The following PIGN variants were observed in gnomAD, a reference collection of about 807,000 sequenced individuals.
PIGN encodes phosphatidylinositol glycan anchor biosynthesis class N, also known as GPI ethanolamine phosphate transferase 1.
PIGN carries 117 observed loss-of-function variants against 125.4 expected under a neutral mutation model. That is an observed-to-expected ratio of 0.93 (90% confidence interval 0.80 to 1.09). The LOEUF (loss-of-function observed/expected upper bound fraction) is 1.09. PIGN is among the 50% of genes least tolerant of loss of function. PIGN has a pLI of 0.00. For synonymous variants in PIGN, 392 were observed against 377.8 expected (o/e 1.04, Z -0.44); for missense variants, 1,075 against 1,094.9 (o/e 0.98, Z 0.26).
intron 11 of PIGN, among the ~76,000 whole-genome samples, chr18:62,141,157 T>C (rs866609976): frequency 5.3e-5 from 8 of 152,212 alleles, no homozygotes; most frequent in African/African-American, 1.9e-4. Context: ...TGTAAGTCCT[T>C]ATAATTTTTC....
At chr18:62,160,276 GAA>G (rs2036901408) in intron 4 of PIGN, among the ~76,000 whole-genome samples, 1 of 152,094 alleles carries the variant, frequency 6.6e-6, no homozygotes, top group Admixed American at 6.6e-5. Flanking sequence ...CCACTAATCA[GAA>G]AAAGAGCAAT....
chr18:62,104,743 C>T (rs2146388558), intron 20 of PIGN, among the ~76,000 whole-genome samples: 1 of 152,134 alleles, frequency 6.6e-6, no homozygotes, highest in South Asian at 2.1e-4. Context: ...TACCATTATC[C>T]ATTACAGACT....
chr18:62,076,847 G>A (rs532158108), intron 28 of PIGN, among the ~76,000 whole-genome samples: 1 of 152,150 alleles, frequency 6.6e-6, no homozygotes, highest in Non-Finnish European at 1.5e-5. Context: ...TTAAGAGTTT[G>A]TAGAGAATGC....
At chr18:62,135,867 G>T (rs2147093251) in intron 14 of PIGN, 1 of 151,794 alleles carries the variant, frequency 6.6e-6, no homozygotes, top group East Asian at 1.9e-4. Context: ...TAAAGTGGCT[G>T]GTCTAAAGTA....
intron 30 of PIGN, among the ~76,000 whole-genome samples, chr18:62,065,057 T>C (rs915028305): frequency 1.3e-5 from 2 of 152,192 alleles, no homozygotes; most frequent in African/African-American, 2.4e-5. Flanking sequence ...GACCAAAGGC[T>C]GATACTGATG....
chr18:62,168,092 G>A (rs916994994), intron 1 of PIGN, among the ~76,000 whole-genome samples: 2 of 151,976 alleles, frequency 1.3e-5, no homozygotes, highest in Non-Finnish European at 2.9e-5. Flanking sequence ...GCTGAGGCAG[G>A]AGAATTGCTT....
intron 14 of PIGN, chr18:62,135,530 G>GA (rs2035893659): frequency 6.6e-6 from 1 of 151,744 alleles, no homozygotes; most frequent in Admixed American, 6.6e-5. Flanking sequence ...ATGCCACGTG[G>GA]AAAAAGGGGT....
chr18:62,151,785 G>A (rs186590897), intron 7 of PIGN, among the ~76,000 whole-genome samples: 2 of 152,208 alleles, frequency 1.3e-5, no homozygotes, highest in African/African-American at 2.4e-5. Context: ...GGTAAGAATT[G>A]AGGTTGCTGC....
chr18:62,157,426 T>A (rs1424578816), intron 5 of PIGN, among the ~76,000 whole-genome samples, 199 bp from the exon 6 acceptor site: 1 of 152,178 alleles, frequency 6.6e-6, no homozygotes, highest in Non-Finnish European at 1.5e-5. Flanking sequence ...TATAAAATTA[T>A]TTTTGAACTT....
In PIGN at chr18:62,045,838, A is replaced by C; in HGVS notation, c.*18T>G. ...AAGGAGAATCAGGATCCAGATGCTG[A>C]ATGGTGCTTCAGCAACCTCACATGA... On this transcript the variant is annotated 3_prime_UTR_variant, in exon 31 of 31. Coordinates refer to ENST00000640252, the MANE Select transcript of PIGN (RefSeq NM_176787.5). The C allele has an allele frequency of 1.2e-6, 2 of 1,613,038 alleles. No individual in the cohort carries two copies. Among genetic ancestry groups the C allele is most frequent in the South Asian group, 2.2e-5 (2 of 90,880 alleles).
chr18:62,148,357 T>A lies in PIGN; in HGVS notation c.550-19A>T. ...AGAAGTCCTACATATAACAAATGAG[T>A]TAAAAATATTTAGTTCATTTGTTTT... On this transcript the variant is annotated intron_variant, in intron 7 of 30. Transcript: ENST00000640252. 1.4e-6 allele frequency: 2 copies of A among 1,418,332 alleles called. No individual in the cohort carries two copies. The highest frequency in any genetic ancestry group is 1.9e-6 in the Non-Finnish European group (2 of 1,060,622). The allele number at this position is 1,418,332 out of a possible 1,614,324, so 87.9% of individuals were successfully genotyped here. A position where few individuals can be genotyped will look rare whatever the true frequency, so the allele number is the denominator to read the frequency against.
At chr18:62,165,536 G>A (rs1475012136) in intron 1 of PIGN, among the ~76,000 whole-genome samples, 4 of 152,164 alleles carry the variant, frequency 2.6e-5, no homozygotes, top group African/African-American at 9.7e-5. Flanking sequence ...GTAAAGCTGA[G>A]GGAGAAAGTA....
chr18:62,156,163 C>G (rs1192940435), intron 6 of PIGN, among the ~76,000 whole-genome samples: 1 of 152,008 alleles, frequency 6.6e-6, no homozygotes, highest in East Asian at 1.9e-4. Flanking sequence ...TAAGAGATGT[C>G]CCAATATTTG....
chr18:62,075,789 CAG>C (rs1239227241), intron 28 of PIGN: 1 of 152,216 alleles, frequency 6.6e-6, no homozygotes. Flanking sequence ...AAACTCTTTT[CAG>C]AGTGGTTGTA....
chr18:62,044,621 T>G lies in PIGN; in HGVS notation c.*1235A>C, dbSNP rs2030530244. ...AAGTACACTTTGCCAAACTGATTTC[T>G]GACTTTTAAATTGTATTTATTCACT... is the stretch of plus-strand genomic sequence containing the variant. On this transcript the variant is annotated 3_prime_UTR_variant, in exon 31 of 31. Transcript: ENST00000640252. The G allele has an allele frequency of 4.1e-5, 1 of 24,446 alleles. No homozygotes were observed. Among genetic ancestry groups the G allele is most frequent in the Non-Finnish European group, 7.0e-5 (1 of 14,224 alleles). 1.5% of individuals were successfully genotyped at this position (24,446 alleles called of 1,614,324 possible). A position where few individuals can be genotyped will look rare whatever the true frequency, so the allele number is the denominator to read the frequency against.
rs2034944798 is a variant in PIGN, at chr18:62,113,123, T to C, written c.1434+11A>G. 4 of 1,590,624 alleles carry C rather than the reference T, an allele frequency of 2.5e-6. No individual in the cohort carries two copies. Among genetic ancestry groups the C allele is most frequent in the African/African-American group, 2.7e-5 (2 of 74,744 alleles). On this transcript the variant is annotated intron_variant, in intron 16 of 30. Transcript: ENST00000640252. ...TACCATCATCTGAATCCTCACATTT[T>C]CTAAACGTACCTTCACTTCTTTACT...
intron 23 of PIGN, among the ~76,000 whole-genome samples, chr18:62,026,266 A>G (rs2030116983): frequency 1.3e-5 from 2 of 152,212 alleles, no homozygotes; most frequent in African/African-American, 4.8e-5. Flanking sequence ...TGATGTTTAA[A>G]CAAAAAGATA....
intron 23 of PIGN, among the ~76,000 whole-genome samples, chr18:62,022,233 T>C (rs766915524): frequency 3.9e-5 from 6 of 152,168 alleles, no homozygotes; most frequent in Non-Finnish European, 7.3e-5. Context: ...GGCAAAAATA[T>C]TGGGGGCCAT....
chr18:62,135,363 G>A (rs750125002), intron 14 of PIGN, among the ~76,000 whole-genome samples: 1 of 152,014 alleles, frequency 6.6e-6, no homozygotes, highest in Non-Finnish European at 1.5e-5. Context: ...AGCCAGACAG[G>A]TCTACAGGCA....
Sources: allele counts gnomAD v4.1 joint callset (sites outside exome capture counted in the v4.1 genomes callset), GRCh38; gene constraint gnomAD v4.1.1; transcripts MANE v1.5; gene names NCBI Gene and HGNC (gene_info 2026-07-23, HGNC 2026-07-21).